Variants in POFUT3 observed in about 807,000 individuals in gnomAD.
The protein encoded by POFUT3 is GDP-fucose protein O-fucosyltransferase 3.
At chr8:33,439,739 C>A in the POFUT3 span, among the ~76,000 whole-genome samples, 1 of 151,688 alleles carries the variant, frequency 6.6e-6, no homozygotes, top group Non-Finnish European at 1.5e-5. Flanking sequence ...CAGTGGCAGG[C>A]ACCTATAATC....
At chr8:33,419,724 A>T in the POFUT3 span, among the ~76,000 whole-genome samples, 1 of 152,252 alleles carries the variant, frequency 6.6e-6, no homozygotes, top group Non-Finnish European at 1.5e-5. Context: ...AAGAAGGAGG[A>T]TGGGGACTGC....
the POFUT3 span, among the ~76,000 whole-genome samples, chr8:33,311,200 A>G: frequency 1.3e-5 from 2 of 152,334 alleles, no homozygotes; most frequent in East Asian, 3.9e-4. Context: ...GCCAGCTGAA[A>G]GTTATCTGCA....
At chr8:33,315,684 C>G in the POFUT3 span, among the ~76,000 whole-genome samples, 2 of 152,050 alleles carry the variant, frequency 1.3e-5, no homozygotes, top group Non-Finnish European at 2.9e-5. Flanking sequence ...ATTGCTTGTT[C>G]CAGCTGTTCC....
the POFUT3 span, among the ~76,000 whole-genome samples, chr8:33,328,953 C>T: frequency 6.6e-6 from 1 of 152,152 alleles, no homozygotes; most frequent in Non-Finnish European, 1.5e-5. Flanking sequence ...CATTAAAATT[C>T]TCTCATTTTA....
the POFUT3 span, among the ~76,000 whole-genome samples, chr8:33,375,385 C>T: frequency 1.3e-5 from 2 of 152,128 alleles, no homozygotes; most frequent in Admixed American, 1.3e-4. Context: ...TCTCAGGCTG[C>T]TGCTCCACAC....
the POFUT3 span, among the ~76,000 whole-genome samples, chr8:33,439,671 G>A: frequency 6.6e-6 from 1 of 151,670 alleles, no homozygotes. Context: ...TTCAACACCA[G>A]CCTGGCCAAG....
At chr8:33,377,201 C>T in the POFUT3 span, among the ~76,000 whole-genome samples, 1 of 150,306 alleles carries the variant, frequency 6.7e-6, no homozygotes, top group African/African-American at 2.5e-5. Flanking sequence ...CATTGCACTC[C>T]AGCCCAGGCA....
chr8:33,448,036 G>A, the POFUT3 span, among the ~76,000 whole-genome samples: 2 of 152,118 alleles, frequency 1.3e-5, no homozygotes, highest in Non-Finnish European at 2.9e-5. Context: ...ATGGTCATGA[G>A]TGTCTATTCA....
chr8:33,397,095 TG>T, the POFUT3 span, among the ~76,000 whole-genome samples: 1 of 152,242 alleles, frequency 6.6e-6, no homozygotes, highest in Non-Finnish European at 1.5e-5. Flanking sequence ...TCTCATTTTC[TG>T]CTTTGGATTA....
the POFUT3 span, among the ~76,000 whole-genome samples, chr8:33,327,331 G>A: frequency 2.0e-5 from 3 of 152,020 alleles, no homozygotes; most frequent in Non-Finnish European, 4.4e-5. Flanking sequence ...GACTTCTGCT[G>A]GCCTTAGCAC....
chr8:33,380,232 A>ATATATATATAC, the POFUT3 span, among the ~76,000 whole-genome samples: 145 of 82,980 alleles, frequency 1.7e-3, 6 homozygotes, highest in African/African-American at 0.011. Context: ...TATATATACT[A>ATATATATATAC]TATATATATA....
At chr8:33,332,496 A>G in the POFUT3 span, among the ~76,000 whole-genome samples, 1 of 151,386 alleles carries the variant, frequency 6.6e-6, no homozygotes, top group African/African-American at 2.4e-5. Flanking sequence ...AAGAAAAAAA[A>G]AAAAAGAAGA....
chr8:33,366,370 C>T, the POFUT3 span, among the ~76,000 whole-genome samples: 5 of 151,846 alleles, frequency 3.3e-5, no homozygotes, highest in South Asian at 2.1e-4. Context: ...CAAACCTGCA[C>T]GTTGTGTACA....
the POFUT3 span, among the ~76,000 whole-genome samples, chr8:33,424,115 G>A: frequency 6.6e-6 from 1 of 151,658 alleles, no homozygotes; most frequent in Non-Finnish European, 1.5e-5. Context: ...CTACAGCCTG[G>A]GTGACAGAGA....
the POFUT3 span, among the ~76,000 whole-genome samples, chr8:33,390,022 C>T: frequency 6.6e-6 from 1 of 152,118 alleles, no homozygotes; most frequent in Non-Finnish European, 1.5e-5. Context: ...TGGTGAAACC[C>T]TGTCTCTGCT....
the POFUT3 span, among the ~76,000 whole-genome samples, chr8:33,317,277 C>T: frequency 2.1e-4 from 32 of 152,152 alleles, no homozygotes; most frequent in Admixed American, 2.0e-3. Flanking sequence ...ATACTGTCCA[C>T]TGGCACATCA....
chr8:33,353,198 C>A, the POFUT3 span, among the ~76,000 whole-genome samples: 3 of 152,274 alleles, frequency 2.0e-5, no homozygotes, highest in African/African-American at 7.2e-5. Flanking sequence ...TTGAATGTTT[C>A]CCTGTAATTT....
At chr8:33,465,822 C>A in the POFUT3 span, among the ~76,000 whole-genome samples, 2 of 152,128 alleles carry the variant, frequency 1.3e-5, no homozygotes, top group African/African-American at 4.8e-5. Context: ...GATATCAGCT[C>A]ACTCAACTCA....
At chr8:33,382,217 C>T in the POFUT3 span, among the ~76,000 whole-genome samples, 2 of 150,464 alleles carry the variant, frequency 1.3e-5, no homozygotes, top group South Asian at 2.1e-4. Context: ...ACTCAAGCCT[C>T]GGAGCTGGAG....
Sources: gnomAD v4.1 joint callset for allele counts (sites outside exome capture counted in the v4.1 genomes callset) on GRCh38, gnomAD v4.1.1 for gene constraint, MANE v1.5 for transcripts, NCBI Gene and HGNC (gene_info 2026-07-23, HGNC 2026-07-21) for gene names.